MTHFD1L: variants seen among roughly 807,000 people sequenced by gnomAD.
The protein encoded by MTHFD1L is methylenetetrahydrofolate dehydrogenase (NADP+ dependent) 1 like.
A neutral mutation model predicts 119.5 loss-of-function variants in MTHFD1L; 81 were observed. That is an observed-to-expected ratio of 0.68 (90% CI 0.57 to 0.82). MTHFD1L has a LOEUF of 0.82. Among genes scored for constraint, MTHFD1L ranks in the 40% least tolerant of loss-of-function variants. The pLI, the probability that MTHFD1L is intolerant of heterozygous loss-of-function variation, is 0.00. For missense variants in MTHFD1L, 1,125 were observed against 1,253.4 expected, an observed-to-expected ratio of 0.90 and a Z score of 1.55; for synonymous variants, 430 against 475.2, an observed-to-expected ratio of 0.90 and a Z score of 1.24.
Position 151,039,940 on chromosome 6 carries a change from A to G in MTHFD1L, c.2847+2823A>G, listed in dbSNP as rs1266410881. On this transcript the variant is annotated intron_variant, in intron 26 of 27. Transcript: ENST00000367321. The surrounding 1 kb of genome is among the most constrained non-coding windows in gnomAD (Gnocchi z 4.4). The stretch of plus-strand genomic sequence containing the variant: ...TAAATACATACATACATACATACAT[A>G]CATACATGCATACATGCATACATGC... Among the ~76,000 whole-genome samples the G allele has an allele frequency of 2.1e-4, 32 of 150,098 alleles. No homozygotes were observed. The highest frequency in any genetic ancestry group is 8.0e-4 in the African/African-American group (32 of 40,020).
chr6:150,925,743 A>G (rs188409956), intron 10 of MTHFD1L, among the ~76,000 whole-genome samples: 19 of 152,256 alleles, frequency 1.2e-4, no homozygotes, highest in Non-Finnish European at 2.9e-5. Context: ...TTATTATGCA[A>G]TGACCCTCTA....
At chr6:150,971,446 A>G (rs866202091) in intron 19 of MTHFD1L, among the ~76,000 whole-genome samples, 4 of 152,178 alleles carry the variant, frequency 2.6e-5, no homozygotes, top group African/African-American at 9.6e-5. Flanking sequence ...CGATCCGCCC[A>G]TCTTGGCCTC....
intron 26 of MTHFD1L, among the ~76,000 whole-genome samples, chr6:151,047,473 C>A (rs1788274237): frequency 6.6e-6 from 1 of 152,052 alleles, no homozygotes; most frequent in Admixed American, 6.5e-5. Context: ...TATTAAGCCC[C>A]TAGAAGTCCC....
intron 27 of MTHFD1L, among the ~76,000 whole-genome samples, chr6:151,099,110 A>C (rs532339536): frequency 6.6e-6 from 1 of 151,440 alleles, no homozygotes; most frequent in African/African-American, 2.4e-5. Flanking sequence ...CAGGAGGCGA[A>C]GGTTGCAGTG....
intron 25 of MTHFD1L, among the ~76,000 whole-genome samples, chr6:151,036,330 G>A (rs1786161086): frequency 1.3e-5 from 2 of 152,176 alleles, no homozygotes; most frequent in South Asian, 4.1e-4. Flanking sequence ...AACACTGTGT[G>A]CCATTTAATC....
chr6:150,978,138 T>A (rs923735592), intron 20 of MTHFD1L, among the ~76,000 whole-genome samples: 1 of 152,070 alleles, frequency 6.6e-6, no homozygotes, highest in African/African-American at 2.4e-5. Context: ...CCTCAGGTGT[T>A]CCACCCGCCT....
At chr6:150,970,736 T>G (rs796920581) in intron 19 of MTHFD1L, among the ~76,000 whole-genome samples, 5 of 152,356 alleles carry the variant, frequency 3.3e-5, no homozygotes, top group African/African-American at 1.2e-4. Flanking sequence ...CATAGAATTT[T>G]TTAAGCAACA....
In MTHFD1L at chr6:151,076,754, CT is replaced by C. The variant is rs539289312; in HGVS notation, c.2848-15711del. 7.9e-5 allele frequency among the ~76,000 whole-genome samples: 12 copies of C among 152,210 alleles called. No homozygotes were observed. The South Asian group carries it at 1.9e-3, about 24-fold the overall frequency. ...TAGGAATATATAACAGTACCACCCC[CT>C]TGGAAATCAATTTGGGGTCGTTTCT... On this transcript the variant is annotated intron_variant, in intron 26 of 27. Coordinates refer to ENST00000367321, the MANE Select transcript of MTHFD1L (RefSeq NM_015440.5).
At chr6:150,910,245 C>T (rs2128864445) in intron 8 of MTHFD1L, among the ~76,000 whole-genome samples, 2 of 151,364 alleles carry the variant, frequency 1.3e-5, no homozygotes, top group Admixed American at 1.3e-4. Flanking sequence ...TAACCTAACT[C>T]AAGGACAAGG....
intron 8 of MTHFD1L, among the ~76,000 whole-genome samples, chr6:150,916,556 T>G (rs550369753): frequency 1.5e-5 from 2 of 137,914 alleles, no homozygotes; most frequent in Admixed American, 1.6e-4. Context: ...CTCAAACTCC[T>G]GACCTCAGGT....
intron 20 of MTHFD1L, among the ~76,000 whole-genome samples, chr6:151,008,827 T>G (rs975754955): frequency 1.3e-5 from 2 of 151,882 alleles, no homozygotes; most frequent in Admixed American, 6.6e-5. Context: ...ATATAAAGGG[T>G]AAGAAAGGGT....
intron 20 of MTHFD1L, among the ~76,000 whole-genome samples, chr6:150,975,161 C>CAT (rs1776382274): frequency 3.3e-5 from 5 of 151,882 alleles, no homozygotes. Context: ...ATGAATAATG[C>CAT]TGCTATGAAC....
chr6:151,053,859 CAAAA>C (rs202176337), intron 26 of MTHFD1L, among the ~76,000 whole-genome samples: 2 of 75,530 alleles, frequency 2.6e-5, no homozygotes, highest in Admixed American at 1.3e-4. Flanking sequence ...GACTCCATCT[CAAAA>C]AAAAAAAAAA....
chr6:150,946,433 A>C (rs1274462792), intron 15 of MTHFD1L, among the ~76,000 whole-genome samples: 1 of 152,220 alleles, frequency 6.6e-6, no homozygotes, highest in Non-Finnish European at 1.5e-5. Context: ...TACAGGTGTG[A>C]GCTACTGCGC....
chr6:150,956,915 T>TAC (rs34667538), intron 17 of MTHFD1L, among the ~76,000 whole-genome samples: 52 of 151,768 alleles, frequency 3.4e-4, no homozygotes, highest in African/African-American at 1.0e-3. Context: ...TCCTGTAACT[T>TAC]ACACACACAC....
At position 151,013,836 on chromosome 6, in the gene MTHFD1L, T is replaced by C. The variant is rs748608055; in HGVS notation, c.2307+16T>C. The C allele has an allele frequency of 5.0e-6, 8 of 1,606,134 alleles. No homozygotes were observed. The Admixed American group carries it at 1.3e-4, about 27-fold the overall frequency. ...TACAGAGGAGGTAAGAGGAGCTGTT[T>C]AGATGCTTATGTGAAGAATCTCTTA... On this transcript the variant is annotated intron_variant, in intron 22 of 27. Transcript: ENST00000367321.
intron 26 of MTHFD1L, among the ~76,000 whole-genome samples, chr6:151,057,892 C>T (rs1368508236): frequency 6.6e-6 from 1 of 152,166 alleles, no homozygotes; most frequent in Non-Finnish European, 1.5e-5. Context: ...GATTTTCCTG[C>T]CTCAGCCTCC....
chr6:150,882,114 G>A (rs1781480345), intron 4 of MTHFD1L, among the ~76,000 whole-genome samples: 1 of 152,204 alleles, frequency 6.6e-6, no homozygotes, highest in Non-Finnish European at 1.5e-5. Context: ...ACATTTATTA[G>A]CTTCCCAAAA....
At chr6:150,900,288 C>T (rs1784908651) in intron 7 of MTHFD1L, among the ~76,000 whole-genome samples, 1 of 152,116 alleles carries the variant, frequency 6.6e-6, no homozygotes, top group Non-Finnish European at 1.5e-5. Context: ...GTTGGCCACA[C>T]CCTTTTCCCT....
Sources: gnomAD v4.1 joint callset for allele counts (sites outside exome capture counted in the v4.1 genomes callset) on GRCh38, gnomAD v4.1.1 for gene constraint, Gnocchi (gnomAD v3.1) non-coding constraint, MANE v1.5 for transcripts, NCBI Gene and HGNC (gene_info 2026-07-23, HGNC 2026-07-21) for gene names.